Variants in CUX1 observed in about 807,000 individuals in gnomAD.
CUX1 encodes protein CASP.
Under a neutral mutation model 158.8 loss-of-function variants are expected in CUX1, and 31 were observed. That is an observed-to-expected ratio of 0.20 (90% CI 0.15 to 0.26). The LOEUF is 0.26. Ranked by LOEUF, CUX1 falls within the 10% of genes least tolerant of loss-of-function variation. The probability of loss-of-function intolerance (pLI) is 1.00; values close to 1 mark genes in which losing one functional copy is unlikely to be tolerated. For missense variants in CUX1, 1,589 were observed against 2,014.6 expected (o/e 0.79, Z 4.04); for synonymous variants, 879 against 862.1 (o/e 1.02, Z -0.34).
At chr7:102,231,518 G>A (rs1554530782) in intron 21 of CUX1, among the ~76,000 whole-genome samples, 1 of 152,026 alleles carries the variant, frequency 6.6e-6, no homozygotes, top group African/African-American at 2.4e-5. Context: ...ACAATTAAAA[G>A]TCATGGCTAG....
At chr7:102,265,490 G>A (rs1050643261) in intron 14 of CUX1, among the ~76,000 whole-genome samples, 2 of 151,744 alleles carry the variant, frequency 1.3e-5, no homozygotes, top group African/African-American at 2.4e-5. Context: ...CAGGCTAGAC[G>A]GCAGTGGCAT....
intron 2 of CUX1, among the ~76,000 whole-genome samples, chr7:102,024,421 G>A (rs145400267): frequency 4.3e-4 from 65 of 152,248 alleles, no homozygotes; most frequent in Admixed American, 7.8e-4. Flanking sequence ...CTGCCTCCGC[G>A]GTTTAAGCGA....
chr7:101,851,152 C>A (rs1262100167), intron 1 of CUX1, among the ~76,000 whole-genome samples: 1 of 152,160 alleles, frequency 6.6e-6, no homozygotes, highest in Admixed American at 6.6e-5. Flanking sequence ...CATAGTCATA[C>A]TTCTCTTTTT....
chr7:102,030,218 G>T (rs1231083239), intron 3 of CUX1, among the ~76,000 whole-genome samples: 1 of 152,050 alleles, frequency 6.6e-6, no homozygotes, highest in Non-Finnish European at 1.5e-5. Flanking sequence ...CATCATACTG[G>T]TCAGGCTGGT....
intron 6 of CUX1, 66 bp from the exon 7 acceptor site, chr7:102,111,630 GAA>G: frequency 6.8e-7 from 1 of 1,460,430 alleles, no homozygotes; most frequent in South Asian, 1.1e-5. Context: ...GAGCTCAGCC[GAA>G]AGGCACACGT....
At chr7:102,139,511 C>A (rs1281948218) in intron 8 of CUX1, among the ~76,000 whole-genome samples, 1 of 152,146 alleles carries the variant, frequency 6.6e-6, no homozygotes, top group Non-Finnish European at 1.5e-5. Context: ...AGACTCCTTT[C>A]CAGCCAGGCA....
chr7:102,273,868 C>T (rs1378448758), intron 15 of CUX1, among the ~76,000 whole-genome samples: 2 of 152,260 alleles, frequency 1.3e-5, no homozygotes, highest in African/African-American at 2.4e-5. Flanking sequence ...AGCATCTCCT[C>T]GCCCACCTCC....
At chr7:102,025,031 T>G (rs1028956750) in intron 2 of CUX1, among the ~76,000 whole-genome samples, 5 of 152,206 alleles carry the variant, frequency 3.3e-5, no homozygotes, top group African/African-American at 1.2e-4. Flanking sequence ...ATCAGTTTCC[T>G]GGCAGTTTCC....
chr7:101,903,944 A>G (rs1802449093), intron 1 of CUX1, among the ~76,000 whole-genome samples: 1 of 152,154 alleles, frequency 6.6e-6, no homozygotes, highest in Non-Finnish European at 1.5e-5. Flanking sequence ...AGACCAAATT[A>G]TAATTTTTTA....
chr7:102,103,681 C>A (rs1830023943), intron 5 of CUX1, among the ~76,000 whole-genome samples: 1 of 151,948 alleles, frequency 6.6e-6, no homozygotes. Flanking sequence ...GGGATCCTCT[C>A]ACGTTGGCCT....
At chr7:102,003,295 AACACACACACACACACACACACACAC>A (rs56760446) in intron 2 of CUX1, among the ~76,000 whole-genome samples, 1 of 131,908 alleles carries the variant, frequency 7.6e-6, no homozygotes, top group Non-Finnish European at 1.6e-5. Flanking sequence ...CCTGGTGCCG[AACACACACACACACACACACACACAC>A]ACACACACAC....
At chr7:101,975,405 T>TA (rs1162331317) in intron 2 of CUX1, among the ~76,000 whole-genome samples, 1 of 151,940 alleles carries the variant, frequency 6.6e-6, no homozygotes. Flanking sequence ...TTTTTTTTTT[T>TA]AATCAGCTAG....
In CUX1 at chr7:102,253,615, G is replaced by A. The variant is rs1481645413; in HGVS notation, c.*4573G>A. 1 of 985,378 alleles carries A rather than the reference G, an allele frequency of 1.0e-6. No homozygotes were observed. Among genetic ancestry groups the A allele is most frequent in the African/African-American group, 1.7e-5 (1 of 57,258 alleles). 61.0% of individuals were successfully genotyped at this position (985,378 alleles called of 1,614,324 possible). On this transcript the variant is annotated 3_prime_UTR_variant, in exon 24 of 24. Coordinates refer to ENST00000292535, the MANE Select transcript of CUX1 (RefSeq NM_181552.4). Reference sequence around the variant, plus strand: ...GAAAAATAGCAGAGCCAGGGGAACAGACGCATGTCCTTCTGGGAGTCACAC... The same window carrying A: ...GAAAAATAGCAGAGCCAGGGGAACAAACGCATGTCCTTCTGGGAGTCACAC...
At chr7:102,075,282 T>G (rs1487081993) in intron 4 of CUX1, among the ~76,000 whole-genome samples, 2 of 152,214 alleles carry the variant, frequency 1.3e-5, no homozygotes. Context: ...TGAGTCTAAG[T>G]GCTTACAGGG....
chr7:102,184,481 A>T (rs1793438611), intron 11 of CUX1, among the ~76,000 whole-genome samples: 1 of 151,928 alleles, frequency 6.6e-6, no homozygotes, highest in East Asian at 1.9e-4. Flanking sequence ...TTCATTCTGA[A>T]TCTCCCCATT....
At chr7:102,119,275 G>C (rs1365352349) in intron 8 of CUX1, among the ~76,000 whole-genome samples, 1 of 121,524 alleles carries the variant, frequency 8.2e-6, no homozygotes, top group Non-Finnish European at 1.7e-5. Flanking sequence ...AGATGTCACA[G>C]GGTACCCATC....
intron 1 of CUX1, among the ~76,000 whole-genome samples, chr7:101,849,912 ATTTT>A (rs71106570): frequency 1.6e-5 from 2 of 124,294 alleles, no homozygotes; most frequent in African/African-American, 3.2e-5. Context: ...GTCTCATGCA[ATTTT>A]TTTTTTTTTT....
chr7:102,116,636 C>A (rs1554491856), intron 8 of CUX1, among the ~76,000 whole-genome samples: 1 of 151,804 alleles, frequency 6.6e-6, no homozygotes, highest in Non-Finnish European at 1.5e-5. Context: ...AGAGCAAGAC[C>A]CTGCCCCTAA....
At chr7:102,180,612 C>G (rs1400475264) in intron 11 of CUX1, among the ~76,000 whole-genome samples, 2 of 151,022 alleles carry the variant, frequency 1.3e-5, no homozygotes, top group Non-Finnish European at 2.9e-5. Context: ...TAGGCATGAG[C>G]CGCTGCACCT....
Sources: allele counts gnomAD v4.1 joint callset (sites outside exome capture counted in the v4.1 genomes callset), GRCh38; gene constraint gnomAD v4.1.1; transcripts MANE v1.5; gene names NCBI Gene and HGNC (gene_info 2026-07-23, HGNC 2026-07-21).